GNG12: variants seen among roughly 807,000 people sequenced by gnomAD.
The protein encoded by GNG12 is guanine nucleotide-binding protein G(I)/G(S)/G(O) subunit gamma-12.
For missense variants in GNG12, 69 were observed against 83.8 expected (o/e 0.82, Z 0.69); for synonymous variants, 28 against 29.7 (o/e 0.94, Z 0.19).
chr1:67,788,751 C>A (rs891015806), intron 1 of GNG12, among the ~76,000 whole-genome samples: 2 of 152,158 alleles, frequency 1.3e-5, no homozygotes, highest in African/African-American at 4.8e-5. Flanking sequence ...TTCTACCATG[C>A]CTTACTTATT....
intron 1 of GNG12, among the ~76,000 whole-genome samples, chr1:67,829,589 C>T (rs1319063060): frequency 6.6e-6 from 1 of 152,134 alleles, no homozygotes; most frequent in African/African-American, 2.4e-5. Context: ...GTGGACTATG[C>T]ACCAGGCACT....
chr1:67,798,608 A>G (rs1415351022), intron 1 of GNG12, among the ~76,000 whole-genome samples: 1 of 151,530 alleles, frequency 6.6e-6, no homozygotes, highest in Non-Finnish European at 1.5e-5. Context: ...CAGCCTACCC[A>G]GTGTGAATAT....
At chr1:67,747,726 C>T (rs563443849) in intron 2 of GNG12, among the ~76,000 whole-genome samples, 2 of 152,370 alleles carry the variant, frequency 1.3e-5, no homozygotes, top group South Asian at 2.1e-4. Context: ...TTTAGCAACA[C>T]AATTTTCAGC....
chr1:67,739,502 A>G (rs1646471047), intron 2 of GNG12, among the ~76,000 whole-genome samples: 1 of 152,230 alleles, frequency 6.6e-6, no homozygotes, highest in Non-Finnish European at 1.5e-5. Flanking sequence ...ACAACTGATG[A>G]AAAGTATTGG....
At chr1:67,771,364 A>T (rs905996783) in intron 2 of GNG12, among the ~76,000 whole-genome samples, 2 of 152,254 alleles carry the variant, frequency 1.3e-5, no homozygotes, top group Non-Finnish European at 2.9e-5. Flanking sequence ...TGTGGCTCAG[A>T]GAAGTTAGGC....
At chr1:67,712,914 A>C (rs796298995) in intron 2 of GNG12, among the ~76,000 whole-genome samples, 30 of 151,044 alleles carry the variant, frequency 2.0e-4, no homozygotes, top group African/African-American at 7.1e-4. Flanking sequence ...TTTTTAGTAG[A>C]GATAGGGTTT....
chr1:67,753,541 G>C (rs570231616), intron 2 of GNG12, among the ~76,000 whole-genome samples: 1 of 152,096 alleles, frequency 6.6e-6, no homozygotes, highest in Admixed American at 6.5e-5. Context: ...GAACTGAAGC[G>C]GGGGCCAGGG....
At chr1:67,719,962 G>C (rs1646347795) in intron 2 of GNG12, among the ~76,000 whole-genome samples, 1 of 152,224 alleles carries the variant, frequency 6.6e-6, no homozygotes, top group Admixed American at 6.5e-5. Flanking sequence ...ACATCAGCCA[G>C]CCTGAGTCTC....
At chr1:67,791,510 T>A (rs569323158) in intron 1 of GNG12, among the ~76,000 whole-genome samples, 70 of 152,258 alleles carry the variant, frequency 4.6e-4, no homozygotes, top group Non-Finnish European at 1.0e-3. Flanking sequence ...TTCTTGGGGC[T>A]CCCAGGGGAC....
chr1:67,810,173 C>T (rs1012285131), intron 1 of GNG12, among the ~76,000 whole-genome samples: 1 of 152,146 alleles, frequency 6.6e-6, no homozygotes, highest in African/African-American at 2.4e-5. Context: ...TATGAAAAGG[C>T]TACATACTAT....
chr1:67,833,057 G>A (rs1647059548), intron 1 of GNG12, among the ~76,000 whole-genome samples: 1 of 151,454 alleles, frequency 6.6e-6, no homozygotes, highest in Non-Finnish European at 1.5e-5. Context: ...ACCTCGGGCG[G>A]CCGCCCGTCG....
chr1:67,755,886 T>C (rs1646564962), intron 2 of GNG12, among the ~76,000 whole-genome samples: 1 of 152,162 alleles, frequency 6.6e-6, no homozygotes, highest in Non-Finnish European at 1.5e-5. Context: ...AGTAAGGTTT[T>C]GTTTGTTTAT....
chr1:67,704,588 T>C lies in GNG12; in HGVS notation c.*863A>G, dbSNP rs1309261247. Reference sequence around the variant, plus strand: ...TCAGAGGTGCCTATCCCTAATCCAGTAGAGAACATGAGCCCTGGGAGCACA... The same window carrying C: ...TCAGAGGTGCCTATCCCTAATCCAGCAGAGAACATGAGCCCTGGGAGCACA... On this transcript the variant is annotated 3_prime_UTR_variant, in exon 4 of 4. Coordinates refer to ENST00000370982, the MANE Select transcript of GNG12 (RefSeq NM_018841.6). 1 of 152,582 alleles carries C rather than the reference T, an allele frequency of 6.6e-6. No individual in the cohort carries two copies. Among genetic ancestry groups the C allele is most frequent in the African/African-American group, 2.4e-5 (1 of 41,414 alleles). 9.5% of individuals were successfully genotyped at this position (152,582 alleles called of 1,614,324 possible).
intron 2 of GNG12, among the ~76,000 whole-genome samples, chr1:67,727,436 T>C (rs1646393030): frequency 6.6e-6 from 1 of 152,246 alleles, no homozygotes; most frequent in Admixed American, 6.5e-5. Context: ...GTAGAAATTA[T>C]AAGATTGATT....
chr1:67,816,993 T>G (rs892737361), intron 1 of GNG12, among the ~76,000 whole-genome samples: 1 of 152,236 alleles, frequency 6.6e-6, no homozygotes, highest in Non-Finnish European at 1.5e-5. Flanking sequence ...TTAAGTTATT[T>G]TGATACAATA....
chr1:67,829,724 T>C (rs1352404907), intron 1 of GNG12, among the ~76,000 whole-genome samples: 2 of 152,250 alleles, frequency 1.3e-5, no homozygotes, highest in Non-Finnish European at 2.9e-5. Flanking sequence ...TTATGTTATG[T>C]TCTAGGAGTG....
intron 1 of GNG12, among the ~76,000 whole-genome samples, chr1:67,788,239 A>G (rs955135287): frequency 2.0e-5 from 3 of 152,242 alleles, no homozygotes; most frequent in Non-Finnish European, 4.4e-5. Context: ...CATACTTCAC[A>G]GCAACTAGCC....
At chr1:67,708,839 G>A (rs560230934) in intron 2 of GNG12, among the ~76,000 whole-genome samples, 2 of 152,310 alleles carry the variant, frequency 1.3e-5, no homozygotes, top group East Asian at 1.9e-4. Flanking sequence ...TTAGGGCTCC[G>A]TGGCGCCAGC....
intron 2 of GNG12, among the ~76,000 whole-genome samples, chr1:67,760,008 C>A (rs895340849): frequency 6.6e-6 from 1 of 152,230 alleles, no homozygotes; most frequent in Admixed American, 6.5e-5. Context: ...AGGCAGAAAG[C>A]CTTCAAAGCT....
Sources: gnomAD v4.1 joint callset for allele counts (sites outside exome capture counted in the v4.1 genomes callset) on GRCh38, gnomAD v4.1.1 for gene constraint, MANE v1.5 for transcripts, NCBI Gene and HGNC (gene_info 2026-07-23, HGNC 2026-07-21) for gene names.